The following RALGAPB variants were observed in gnomAD, a reference collection of about 807,000 sequenced individuals.
RALGAPB encodes Ral GTPase activating protein non-catalytic subunit beta.
Under a neutral mutation model 161.1 loss-of-function variants are expected in RALGAPB, and 25 were observed. The ratio of observed to expected loss-of-function variants is 0.16; its 90% CI spans 0.11 to 0.22. The LOEUF is 0.22. Among genes scored for constraint, RALGAPB ranks in the 10% least tolerant of loss-of-function variants. The pLI, the probability that RALGAPB is intolerant of heterozygous loss-of-function variation, is 1.00. For synonymous variants in RALGAPB, 629 were observed against 626.1 expected (o/e 1.00, Z -0.07); for missense variants, 1,391 against 1,815.2 (o/e 0.77, Z 4.25).
intron 28 of RALGAPB, among the ~76,000 whole-genome samples, chr20:38,572,620 G>T (rs2088281520): frequency 6.6e-6 from 1 of 152,184 alleles, no homozygotes; most frequent in African/African-American, 2.4e-5. Flanking sequence ...GTTGAAGTCA[G>T]TAAAGATGAT....
intron 10 of RALGAPB, among the ~76,000 whole-genome samples, chr20:38,522,461 C>G (rs1281639325): frequency 2.6e-5 from 4 of 152,202 alleles, no homozygotes; most frequent in Non-Finnish European, 2.9e-5. Context: ...TCTCTTTTCA[C>G]TCTATCCCCA....
chr20:38,554,037 T>C lies in RALGAPB; in HGVS notation c.3333T>C (p.Phe1111=). Reference sequence around the variant, plus strand: ...AGGAATTCCAAACAGCCCGCCTTTTTCTCTCACACTTTGGATTTTTGTCCT... The same window carrying C: ...AGGAATTCCAAACAGCCCGCCTTTTCCTCTCACACTTTGGATTTTTGTCCT... The part of the protein sequence containing the change: ...PAQEFQTARL[F]LSHFGFLSLE... The change falls in exon 22 of 30, where the codon TTT becomes TTC. Residue 1111 remains phenylalanine (F), a synonymous_variant. Coordinates refer to ENST00000262879, the MANE Select transcript of RALGAPB (RefSeq NM_020336.4). 1 of 1,613,802 alleles carries C rather than the reference T, an allele frequency of 6.2e-7. No individual in the cohort carries two copies. The highest frequency in any genetic ancestry group is 8.5e-7 in the Non-Finnish European group (1 of 1,179,782).
intron 10 of RALGAPB, among the ~76,000 whole-genome samples, chr20:38,522,949 C>G (rs989296020): frequency 3.3e-5 from 5 of 152,316 alleles, no homozygotes; most frequent in Middle Eastern, 3.4e-3. Context: ...TCATTCTTCT[C>G]TTCTCTGCAG....
chr20:38,526,093 C>T lies in RALGAPB; in HGVS notation c.2050+51C>T, dbSNP rs188580278. The T allele has an allele frequency of 9.0e-5, 143 of 1,594,618 alleles. No homozygotes were observed. In the East Asian group the frequency reaches 3.1e-3, roughly 34 times the overall value. On this transcript the variant is annotated intron_variant, in intron 13 of 29. Transcript: ENST00000262879. Reference sequence around the variant, plus strand: ...AGTGAAACCAAAGTACTGTTGACTACAGGCCTGCTGAGGAGGCGGCAGTCG... The same window carrying T: ...AGTGAAACCAAAGTACTGTTGACTATAGGCCTGCTGAGGAGGCGGCAGTCG...
chr20:38,508,236 G>A (rs1353688272), intron 5 of RALGAPB, among the ~76,000 whole-genome samples: 5 of 151,756 alleles, frequency 3.3e-5, no homozygotes, highest in South Asian at 2.1e-4. Flanking sequence ...TAAAAACTAA[G>A]ATCACTGACA....
intron 5 of RALGAPB, among the ~76,000 whole-genome samples, chr20:38,500,399 C>T (rs2085551266): frequency 6.6e-6 from 1 of 152,076 alleles, no homozygotes; most frequent in African/African-American, 2.4e-5. Context: ...GACCTGTGAT[C>T]AGTGATCTTT....
At chr20:38,545,002 T>A (rs2087114870) in intron 18 of RALGAPB, among the ~76,000 whole-genome samples, 1 of 152,184 alleles carries the variant, frequency 6.6e-6, no homozygotes. Context: ...AACCTGAAAT[T>A]TCTTCATCTA....
Position 38,574,857 on chromosome 20 carries a change from C to A in RALGAPB, c.4375C>A (p.Arg1459=). Residue 1459 remains arginine (R), a synonymous_variant, in exon 30 of 30, where the codon CGG becomes AGG. Coordinates refer to ENST00000262879, the MANE Select transcript of RALGAPB (RefSeq NM_020336.4). ...CTCCTACAGTCCCCCCCATGTCCGCCGGAAACAGAAAATCACCGACATTGT... is the reference window on the plus strand; with the variant it reads ...CTCCTACAGTCCCCCCCATGTCCGCAGGAAACAGAAAATCACCGACATTGT... ...SDSYSPPHVR[R]KQKITDIVNK... is the part of the protein sequence containing the mutation. The A allele has an allele frequency of 1.2e-6, 2 of 1,613,614 alleles. No homozygotes were observed. The highest frequency in any genetic ancestry group is 1.7e-5 in the Admixed American group (1 of 60,014).
chr20:38,530,668 C>T (rs1369836400), intron 13 of RALGAPB, among the ~76,000 whole-genome samples: 1 of 150,946 alleles, frequency 6.6e-6, no homozygotes, highest in Non-Finnish European at 1.5e-5. Flanking sequence ...GCAATTTCGG[C>T]TCACTGCAAC....
intron 5 of RALGAPB, among the ~76,000 whole-genome samples, chr20:38,500,928 A>G (rs1237277167): frequency 5.9e-5 from 9 of 152,332 alleles, no homozygotes; most frequent in East Asian, 1.9e-4. Flanking sequence ...CTTCAGTTCT[A>G]TGAAGGCTGC....
chr20:38,548,830 G>C lies in RALGAPB; in HGVS notation c.3009+35G>C, dbSNP rs763103882. 4.0e-6 allele frequency: 6 copies of C among 1,512,448 alleles called. No homozygotes were observed. The African/African-American group carries it at 8.3e-5, about 21-fold the overall frequency. 93.7% of individuals were successfully genotyped at this position (1,512,448 alleles called of 1,614,324 possible). A position where few individuals can be genotyped will look rare whatever the true frequency, so the allele number is the denominator to read the frequency against. ...AGAAGTTACAGGGAAGTGTGTGTGT[G>C]TTTTGTAATTTAAAGGTTAGGTAAC... On this transcript the variant is annotated intron_variant, in intron 20 of 29. Transcript: ENST00000262879.
At chr20:38,511,003 C>G (rs1403699352) in intron 6 of RALGAPB, among the ~76,000 whole-genome samples, 2 of 152,170 alleles carry the variant, frequency 1.3e-5, no homozygotes, top group African/African-American at 4.8e-5. Context: ...GGCAGAGGCT[C>G]TTTCATCTTC....
intron 1 of RALGAPB, among the ~76,000 whole-genome samples, chr20:38,485,788 C>T (rs2085095199): frequency 6.6e-6 from 1 of 151,902 alleles, no homozygotes; most frequent in South Asian, 2.1e-4. Context: ...TGTGTTTTTT[C>T]CATGTTTGTT....
At position 38,517,502 on chromosome 20, in the gene RALGAPB, T is replaced by TA; in HGVS notation, c.1052-2dup. On this transcript the variant is annotated splice_region_variant and splice_polypyrimidine_tract_variant and intron_variant, in intron 7 of 29. Coordinates refer to ENST00000262879, the MANE Select transcript of RALGAPB (RefSeq NM_020336.4). ...ATTTCATTTGTCTTTTTTTTTTTTT[T>TA]AAGGTATTTCTAGACCCCGATCAGA... is the stretch of plus-strand genomic sequence containing the variant. 3.9e-6 allele frequency: 6 copies of TA among 1,538,916 alleles called. No individual in the cohort carries two copies. Among genetic ancestry groups the TA allele is most frequent in the Non-Finnish European group, 5.2e-6 (6 of 1,146,204 alleles).
intron 10 of RALGAPB, 66 bp downstream of exon 10, chr20:38,521,764 C>A: frequency 6.6e-7 from 1 of 1,511,404 alleles, no homozygotes. Context: ...GTTGGTTGGC[C>A]GACTGAACCG....
chr20:38,558,575 C>A, intron 23 of RALGAPB, 122 bp downstream of exon 23: 1 of 867,816 alleles, frequency 1.2e-6, no homozygotes, highest in Non-Finnish European at 1.6e-6. Flanking sequence ...GGACTGCAGC[C>A]TGGGAAGTGC....
intron 26 of RALGAPB, among the ~76,000 whole-genome samples, chr20:38,568,004 A>G (rs1378260712): frequency 6.6e-6 from 1 of 152,210 alleles, no homozygotes; most frequent in Non-Finnish European, 1.5e-5. Flanking sequence ...AAAAGGTTTT[A>G]CAGAATACAG....
chr20:38,569,936 C>T lies in RALGAPB; in HGVS notation c.4003C>T (p.Pro1335Ser). The part of the protein sequence containing the change: ...MRKLPQGRPV[P>S]PLGPETRVSV... ...GAAGCTGCCTCAGGGTCGCCCTGTT[C>T]CTCCCCTTGGACCTGAGACAAGAGT... The change falls in exon 27 of 30, where the codon CCT becomes TCT. Residue 1335 changes from proline to serine, a missense_variant. Transcript: ENST00000262879. The T allele has an allele frequency of 6.2e-7, 1 of 1,613,598 alleles. No individual in the cohort carries two copies. Among genetic ancestry groups the T allele is most frequent in the Non-Finnish European group, 8.5e-7 (1 of 1,179,700 alleles).
intron 14 of RALGAPB, among the ~76,000 whole-genome samples, chr20:38,531,872 A>G (rs1188034814): frequency 6.6e-6 from 1 of 152,212 alleles, no homozygotes; most frequent in African/African-American, 2.4e-5. Flanking sequence ...ATAATAATTT[A>G]CTGATCTGAA....
Sources: gnomAD v4.1 joint callset for allele counts (sites outside exome capture counted in the v4.1 genomes callset) on GRCh38, gnomAD v4.1.1 for gene constraint, MANE v1.5 for transcripts, NCBI Gene and HGNC (gene_info 2026-07-23, HGNC 2026-07-21) for gene names.